ZSCAN22: variants seen among roughly 807,000 people sequenced by gnomAD.
The protein encoded by ZSCAN22 is zinc finger and SCAN domain-containing protein 22.
A neutral mutation model predicts 12.4 loss-of-function variants in ZSCAN22; 7 were observed. That is an observed-to-expected ratio of 0.57 (90% confidence interval 0.32 to 1.06). The LOEUF (loss-of-function observed/expected upper bound fraction) is 1.06. Ranked by LOEUF, ZSCAN22 falls within the 50% of genes least tolerant of loss-of-function variation. ZSCAN22 has a pLI of 0.04. For synonymous variants in ZSCAN22, 243 were observed against 255.9 expected, an observed-to-expected ratio of 0.95 and a Z score of 0.48; for missense variants, 576 against 631.7, an observed-to-expected ratio of 0.91 and a Z score of 0.94.
At chr19:58,330,247 G>A (rs1050246570) in intron 1 of ZSCAN22, among the ~76,000 whole-genome samples, 2 of 152,146 alleles carry the variant, frequency 1.3e-5, no homozygotes, top group Admixed American at 6.5e-5. Flanking sequence ...CCAAGATTGC[G>A]CCACTGCACT....
rs551977301 is a variant in ZSCAN22, at chr19:58,338,017, C to T, written c.404-237C>T. ...CAAAATTGGGAGCCTTGAAAGATGG[C>T]GAGTTTGGTGGGAGGAGGAGAAATC... On this transcript the variant is annotated intron_variant, in intron 2 of 2. Coordinates refer to ENST00000329665, the MANE Select transcript of ZSCAN22 (RefSeq NM_181846.3). This position sits in a 1 kb window ranked among gnomAD's most constrained non-coding sequence, Gnocchi z 5.4. 3.9e-5 allele frequency among the ~76,000 whole-genome samples: 6 copies of T among 152,316 alleles called. No individual in the cohort carries two copies. The highest frequency in any genetic ancestry group is 1.4e-4 in the African/African-American group (6 of 41,562).
At chr19:58,332,448 A>G (rs1317488010) in intron 1 of ZSCAN22, among the ~76,000 whole-genome samples, 1 of 148,674 alleles carries the variant, frequency 6.7e-6, no homozygotes, top group Non-Finnish European at 1.5e-5. Flanking sequence ...TAATTTTTGT[A>G]TTTTTTAGTA....
In ZSCAN22 at chr19:58,338,456, C is replaced by A. The variant is rs768563885; in HGVS notation, c.606C>A (p.Ile202=). ...GGACAAAGTCTGTCACCCAACAGAT[C>A]CACTTCAAGAAAACTTCAGGGCCTT... The part of the protein sequence containing the change: ...EIWTKSVTQQ[I]HFKKTSGPYK... The change falls in exon 3 of 3, where the codon ATC becomes ATA. Residue 202 remains isoleucine (I), a synonymous_variant. Coordinates refer to ENST00000329665, the MANE Select transcript of ZSCAN22 (RefSeq NM_181846.3). The surrounding 1 kb of genome is among the most constrained non-coding windows in gnomAD (Gnocchi z 5.4). 1.2e-4 allele frequency: 200 copies of A among 1,614,182 alleles called. 6 individuals are homozygous for A. In the South Asian group the frequency reaches 2.2e-3, roughly 18 times the overall value.
At chr19:58,331,721 A>G (rs2051729019) in intron 1 of ZSCAN22, among the ~76,000 whole-genome samples, 1 of 148,738 alleles carries the variant, frequency 6.7e-6, no homozygotes, top group Non-Finnish European at 1.5e-5. Context: ...ATTTTTTTGT[A>G]TTTTTAATAG....
rs1197341502 is a variant in ZSCAN22 at position 58,329,506 on chromosome 19, C to A, written c.-52+2392C>A. Among the ~76,000 whole-genome samples the A allele has an allele frequency of 6.6e-6, 1 of 152,158 alleles. No homozygotes were observed. Among genetic ancestry groups the A allele is most frequent in the Non-Finnish European group, 1.5e-5 (1 of 68,022 alleles). On this transcript the variant is annotated intron_variant, in intron 1 of 2. Transcript: ENST00000329665. This position sits in a 1 kb window ranked among gnomAD's most constrained non-coding sequence, Gnocchi z 4.1. Reference sequence around the variant, plus strand: ...TGTCGAGGTCTCCTAGGAGAGGTTACACTTAATTTAGGGTATTCTTCCTGA... The same window carrying A: ...TGTCGAGGTCTCCTAGGAGAGGTTAAACTTAATTTAGGGTATTCTTCCTGA...
At position 58,339,007 on chromosome 19, in the gene ZSCAN22, G is replaced by C; in HGVS notation, c.1157G>C (p.Gly386Ala). The change falls in exon 3 of 3, where the codon GGG becomes GCG. Residue 386 changes from glycine (G) to alanine (A), a missense_variant. Coordinates refer to ENST00000329665, the MANE Select transcript of ZSCAN22 (RefSeq NM_181846.3). The surrounding 1 kb of genome is among the most constrained non-coding windows in gnomAD (Gnocchi z 5.6). ...GERPYECDACGKAFSQSTHLT... is the reference protein window; with the variant it reads ...GERPYECDACAKAFSQSTHLT... ...CGGCCCTACGAGTGTGACGCGTGTGGGAAAGCCTTCAGCCAGAGCACGCAC... is the reference window on the plus strand; with the variant it reads ...CGGCCCTACGAGTGTGACGCGTGTGCGAAAGCCTTCAGCCAGAGCACGCAC... 1.2e-6 allele frequency: 2 copies of C among 1,612,712 alleles called. No individual in the cohort carries two copies. Among genetic ancestry groups the C allele is most frequent in the Non-Finnish European group, 1.7e-6 (2 of 1,179,156 alleles).
chr19:58,338,419 C>A lies in ZSCAN22; in HGVS notation c.569C>A (p.Ser190Ter). 1 of 1,614,166 alleles carries A rather than the reference C, an allele frequency of 6.2e-7. No individual in the cohort carries two copies. The highest frequency in any genetic ancestry group is 1.3e-5 in the African/African-American group (1 of 75,044). ...GGCAGCTCAGAGAGGTCTGGACTAT[C>A]AGGGGAGATCTGGACAAAGTCTGTC... ...PEGSSERSGL[S>*]GEIWTKSVTQ... The change falls in exon 3 of 3, where the codon TCA becomes TAA. Residue 190 changes from serine (S) to a stop codon, truncating the protein, a stop_gained. Coordinates refer to ENST00000329665, the MANE Select transcript of ZSCAN22 (RefSeq NM_181846.3). LOFTEE classifies it low-confidence loss of function (END_TRUNC). This position sits in a 1 kb window ranked among gnomAD's most constrained non-coding sequence, Gnocchi z 5.4.
intron 1 of ZSCAN22, among the ~76,000 whole-genome samples, chr19:58,332,270 T>G (rs1165791487): frequency 7.3e-6 from 1 of 136,062 alleles, no homozygotes; most frequent in Non-Finnish European, 1.6e-5. Flanking sequence ...CTAATATGCT[T>G]TTTTTTTTTT....
At chr19:58,333,708 G>C (rs942800575) in intron 1 of ZSCAN22, among the ~76,000 whole-genome samples, 8 of 152,344 alleles carry the variant, frequency 5.3e-5, no homozygotes, top group Non-Finnish European at 1.2e-4. Context: ...GCCTCACATG[G>C]TGGTGCACAC....
Position 58,339,111 on chromosome 19 carries a change from T to A in ZSCAN22, c.1261T>A (p.Ser421Thr), listed in dbSNP as rs1263053589. 3.7e-6 allele frequency: 6 copies of A among 1,614,118 alleles called. No individual in the cohort carries two copies. Among genetic ancestry groups the A allele is most frequent in the Non-Finnish European group, 5.1e-6 (6 of 1,180,050 alleles). Reference protein sequence around the residue: ...DACGRAFSDCSALIRHLRIHS... With the variant: ...DACGRAFSDCTALIRHLRIHS... ...GTGTGGCCGAGCCTTCAGCGACTGCTCAGCCCTGATCCGACATCTGAGAAT... is the reference window on the plus strand; with the variant it reads ...GTGTGGCCGAGCCTTCAGCGACTGCACAGCCCTGATCCGACATCTGAGAAT... Residue 421 changes from serine (S) to threonine (T), a missense_variant, in exon 3 of 3, where the codon TCA (serine) becomes ACA (threonine). Ser to Thr is a moderately conservative substitution (Grantham distance 58, BLOSUM62 1). Transcript: ENST00000329665. The surrounding 1 kb of genome is among the most constrained non-coding windows in gnomAD (Gnocchi z 5.6).
chr19:58,328,581 A>G (rs1278178237), intron 1 of ZSCAN22, among the ~76,000 whole-genome samples: 1 of 152,172 alleles, frequency 6.6e-6, no homozygotes, highest in East Asian at 1.9e-4. Context: ...ATGTGTGAGA[A>G]ATGAAAAGAA....
intron 1 of ZSCAN22, among the ~76,000 whole-genome samples, chr19:58,331,923 G>T (rs1247376068): frequency 6.6e-6 from 1 of 151,508 alleles, no homozygotes. Context: ...GCCCAGGCTG[G>T]AGTGCAATGG....
At chr19:58,336,987 A>G (rs1388084106) in intron 2 of ZSCAN22, among the ~76,000 whole-genome samples, 2 of 152,172 alleles carry the variant, frequency 1.3e-5, no homozygotes, top group African/African-American at 4.8e-5. Context: ...CCTCCCTGGA[A>G]TCCATCCAGT....
At position 58,338,704 on chromosome 19, in the gene ZSCAN22, C is replaced by T. The variant is rs1333894910; in HGVS notation, c.854C>T (p.Ala285Val). Residue 285 changes from alanine (A) to valine (V), a missense_variant, in exon 3 of 3, where the codon GCA becomes GTA. Ala to Val is a moderately conservative substitution (Grantham distance 64). Transcript: ENST00000329665. The surrounding 1 kb of genome is among the most constrained non-coding windows in gnomAD (Gnocchi z 5.4). ...TTCCAGAGTGCTTCGGCGCTCGAGG[C>T]ACACCAGAAGACCCATTCTCGGAAG... The part of the protein sequence containing the change: ...KMFQSASALE[A>V]HQKTHSRKTP... The T allele has an allele frequency of 1.2e-6, 2 of 1,614,228 alleles. No homozygotes were observed. The highest frequency in any genetic ancestry group is 8.5e-7 in the Non-Finnish European group (1 of 1,180,036).
intron 1 of ZSCAN22, among the ~76,000 whole-genome samples, chr19:58,334,194 G>C (rs1444389462): frequency 6.6e-6 from 1 of 152,200 alleles, no homozygotes; most frequent in East Asian, 1.9e-4. Flanking sequence ...TTGTAGCTTA[G>C]CTCTCTGTTA....
chr19:58,338,881 G>A lies in ZSCAN22; in HGVS notation c.1031G>A (p.Arg344Lys), dbSNP rs1275329857. ...SRVTHLTQHQ[R>K]IHTGEKPYKC... ...GTCACCCACCTGACTCAGCACCAAA[G>A]GATTCATACTGGAGAGAAACCCTAC... The change falls in exon 3 of 3, where the codon AGG becomes AAG. Residue 344 changes from arginine to lysine, a missense_variant. Coordinates refer to ENST00000329665, the MANE Select transcript of ZSCAN22 (RefSeq NM_181846.3). This position sits in a 1 kb window ranked among gnomAD's most constrained non-coding sequence, Gnocchi z 5.4. The A allele has an allele frequency of 1.2e-6, 2 of 1,614,124 alleles. No individual in the cohort carries two copies. The highest frequency in any genetic ancestry group is 2.2e-5 in the South Asian group (2 of 91,082).
At position 58,340,225 on chromosome 19, in the gene ZSCAN22, G is replaced by C. The variant is rs2051854741; in HGVS notation, c.*899G>C. The C allele has an allele frequency of 6.6e-6, 1 of 152,122 alleles. No homozygotes were observed. Among genetic ancestry groups the C allele is most frequent in the South Asian group, 2.1e-4 (1 of 4,816 alleles). The allele number at this position is 152,122 out of a possible 1,614,324, so 9.4% of individuals were successfully genotyped here. ...TTCTACAGCACAGCTTCCTGAACAG[G>C]GTATAAGTATGCTGAGATGCAGGCT... On this transcript the variant is annotated 3_prime_UTR_variant, in exon 3 of 3. Coordinates refer to ENST00000329665, the MANE Select transcript of ZSCAN22 (RefSeq NM_181846.3).
At position 58,329,663 on chromosome 19, in the gene ZSCAN22, T is replaced by C. The variant is rs2051699406; in HGVS notation, c.-52+2549T>C. ...TTTGAGAGAGAGAGAAAGACCACATTAATATAGCTTTTATTACAGTGTATT... is the reference window on the plus strand; with the variant it reads ...TTTGAGAGAGAGAGAAAGACCACATCAATATAGCTTTTATTACAGTGTATT... On this transcript the variant is annotated intron_variant, in intron 1 of 2. Transcript: ENST00000329665. The surrounding 1 kb of genome is among the most constrained non-coding windows in gnomAD (Gnocchi z 4.1). 6.6e-6 allele frequency among the ~76,000 whole-genome samples: 1 copy of C among 152,236 alleles called. No homozygotes were observed. Among genetic ancestry groups the C allele is most frequent in the South Asian group, 2.1e-4 (1 of 4,834 alleles).
Position 58,339,000 on chromosome 19 carries a change from G to A in ZSCAN22, c.1150G>A (p.Ala384Thr), listed in dbSNP as rs147119348. The A allele has an allele frequency of 2.2e-5, 35 of 1,612,492 alleles. No individual in the cohort carries two copies. Among genetic ancestry groups the A allele is most frequent in the African/African-American group, 1.9e-4 (14 of 74,840 alleles). The change falls in exon 3 of 3, where the codon GCG (alanine) becomes ACG (threonine). Residue 384 changes from alanine to threonine, a missense_variant. Physicochemically the swap from Ala to Thr is moderately conservative, Grantham distance 58. Transcript: ENST00000329665. The surrounding 1 kb of genome is among the most constrained non-coding windows in gnomAD (Gnocchi z 5.4). ...GGGGGAGCGGCCCTACGAGTGTGAC[G>A]CGTGTGGGAAAGCCTTCAGCCAGAG... ...HTGERPYECDACGKAFSQSTH... is the reference protein window; with the variant it reads ...HTGERPYECDTCGKAFSQSTH...
Sources: gnomAD v4.1 joint callset for allele counts (sites outside exome capture counted in the v4.1 genomes callset) on GRCh38, gnomAD v4.1.1 for gene constraint, Gnocchi (gnomAD v3.1) non-coding constraint, MANE v1.5 for transcripts, NCBI Gene and HGNC (gene_info 2026-07-23, HGNC 2026-07-21) for gene names.